The following RNF38 variants were observed in gnomAD, a reference collection of about 807,000 sequenced individuals.
RNF38 encodes the protein E3 ubiquitin-protein ligase RNF38.
Under a neutral mutation model 67.2 loss-of-function variants are expected in RNF38, and 15 were observed. The observed-to-expected ratio is 0.22, with a 90% CI of 0.15 to 0.34. RNF38 has a LOEUF of 0.34. RNF38 is among the 10% of genes least tolerant of loss of function. The pLI is 1.00. For missense variants in RNF38, 524 were observed against 639.9 expected (o/e 0.82, Z 1.95); for synonymous variants, 220 against 218.8 (o/e 1.01, Z -0.05).
chr9:36,346,476 C>A (rs2133393808), intron 9 of RNF38, among the ~76,000 whole-genome samples: 1 of 152,282 alleles, frequency 6.6e-6, no homozygotes, highest in Non-Finnish European at 1.5e-5. Context: ...CAGGAGTGAG[C>A]CACTATGCCC....
chr9:36,414,930 A>C (rs1236109176), intron 2 of RNF38, among the ~76,000 whole-genome samples: 1 of 152,136 alleles, frequency 6.6e-6, no homozygotes, highest in Non-Finnish European at 1.5e-5. Flanking sequence ...CGTGCTGTTA[A>C]TCTGACAGGT....
chr9:36,392,905 A>T (rs568060939), intron 1 of RNF38, among the ~76,000 whole-genome samples: 9 of 152,362 alleles, frequency 5.9e-5, no homozygotes, highest in South Asian at 4.1e-4. Flanking sequence ...GGGAAAAATT[A>T]GGAGTAAGAG....
chr9:36,464,823 T>C (rs955477459), intron 1 of RNF38, among the ~76,000 whole-genome samples: 16 of 152,150 alleles, frequency 1.1e-4, no homozygotes, highest in African/African-American at 2.7e-4. Flanking sequence ...TCCAAAAATA[T>C]GTAATATATA....
intron 2 of RNF38, among the ~76,000 whole-genome samples, chr9:36,380,388 T>C (rs928512066): frequency 2.0e-5 from 3 of 152,146 alleles, no homozygotes; most frequent in African/African-American, 4.8e-5. Context: ...TAAGTAGAGA[T>C]GGGGTTTCTC....
At chr9:36,481,469 C>T (rs1328828063) in intron 1 of RNF38, among the ~76,000 whole-genome samples, 1 of 152,164 alleles carries the variant, frequency 6.6e-6, no homozygotes. Flanking sequence ...AAAACTGAAA[C>T]CAGTCTGGGT....
At chr9:36,370,595 T>C (rs936145748) in intron 3 of RNF38, among the ~76,000 whole-genome samples, 3 of 152,300 alleles carry the variant, frequency 2.0e-5, no homozygotes, top group South Asian at 2.1e-4. Flanking sequence ...TATACTTACA[T>C]AGAATTTTAA....
At chr9:36,419,506 C>T (rs1564055564) in intron 2 of RNF38, among the ~76,000 whole-genome samples, 2 of 152,202 alleles carry the variant, frequency 1.3e-5, no homozygotes, top group African/African-American at 4.8e-5. Context: ...ATAATTGAGG[C>T]TACAAGTTAA....
chr9:36,482,156 C>A (rs567199535), intron 1 of RNF38, among the ~76,000 whole-genome samples: 1 of 150,064 alleles, frequency 6.7e-6, no homozygotes, highest in Admixed American at 6.7e-5. Flanking sequence ...TGGGTTCAAG[C>A]GATTCTCCTG....
chr9:36,408,604 G>A (rs1290348948), intron 2 of RNF38, among the ~76,000 whole-genome samples: 1 of 152,042 alleles, frequency 6.6e-6, no homozygotes, highest in Admixed American at 6.6e-5. Flanking sequence ...TATAATCTAG[G>A]AGCTGGGCCT....
intron 1 of RNF38, among the ~76,000 whole-genome samples, chr9:36,454,543 T>G (rs1405812631): frequency 6.6e-6 from 1 of 151,780 alleles, no homozygotes; most frequent in Non-Finnish European, 1.5e-5. Flanking sequence ...GAGAAAAAAA[T>G]TATGCCTAAT....
chr9:36,456,689 G>A (rs968387862), intron 1 of RNF38, among the ~76,000 whole-genome samples: 1 of 151,966 alleles, frequency 6.6e-6, no homozygotes, highest in African/African-American at 2.4e-5. Flanking sequence ...TAAATCTAAT[G>A]AATACTCATT....
At chr9:36,387,763 T>A (rs1032538289) in intron 2 of RNF38, among the ~76,000 whole-genome samples, 4 of 152,170 alleles carry the variant, frequency 2.6e-5, no homozygotes, top group Non-Finnish European at 5.9e-5. Context: ...CTGTGGGCAA[T>A]GAGTACACAA....
chr9:36,376,904 C>T (rs1835830745), intron 2 of RNF38, among the ~76,000 whole-genome samples: 2 of 129,806 alleles, frequency 1.5e-5, no homozygotes, highest in Admixed American at 9.2e-5. Flanking sequence ...CCAGCCTCGG[C>T]GACAAGAGTG....
intron 10 of RNF38, among the ~76,000 whole-genome samples, chr9:36,343,965 T>C (rs1234593219): frequency 1.3e-5 from 2 of 152,162 alleles, no homozygotes; most frequent in South Asian, 2.1e-4. Context: ...ATTGTGGTGA[T>C]AGTTACACAG....
chr9:36,424,396 A>T (rs932451421), intron 2 of RNF38, among the ~76,000 whole-genome samples: 2 of 152,180 alleles, frequency 1.3e-5, no homozygotes, highest in African/African-American at 4.8e-5. Flanking sequence ...TGGAGTGTTG[A>T]TCAAAAGTCC....
At chr9:36,348,038 G>A (rs1340044621) in intron 9 of RNF38, among the ~76,000 whole-genome samples, 3 of 151,900 alleles carry the variant, frequency 2.0e-5, no homozygotes, top group Non-Finnish European at 4.4e-5. Flanking sequence ...ATTGCGCCAC[G>A]GCACTCCAGC....
chr9:36,460,901 A>G (rs1342103706), intron 1 of RNF38, among the ~76,000 whole-genome samples: 14 of 149,058 alleles, frequency 9.4e-5, no homozygotes, highest in Non-Finnish European at 1.6e-4. Flanking sequence ...AAAAAAAAAA[A>G]AAAAAGAAAG....
intron 2 of RNF38, among the ~76,000 whole-genome samples, chr9:36,409,299 GAGAA>G (rs1838262170): frequency 6.7e-6 from 1 of 149,176 alleles, no homozygotes; most frequent in African/African-American, 2.5e-5. Context: ...AAGAAAGAGA[GAGAA>G]AGAAAAAGAA....
chr9:36,452,960 G>A (rs1839493076), intron 1 of RNF38, among the ~76,000 whole-genome samples: 1 of 152,180 alleles, frequency 6.6e-6, no homozygotes, highest in African/African-American at 2.4e-5. Flanking sequence ...TCAATCCTGT[G>A]AACATTTGTA....
Sources: allele counts gnomAD v4.1 joint callset (sites outside exome capture counted in the v4.1 genomes callset), GRCh38; gene constraint gnomAD v4.1.1; transcripts MANE v1.5; gene names NCBI Gene and HGNC (gene_info 2026-07-23, HGNC 2026-07-21).